CNOT6: variants seen among roughly 807,000 people sequenced by gnomAD.
CNOT6 encodes the protein carbon catabolite repression 4 protein.
In CNOT6, 12 loss-of-function variants were observed where a neutral mutation model predicts 61.2. The observed-to-expected ratio is 0.20, with a 90% CI of 0.13 to 0.32. The LOEUF is 0.32. Among genes scored for constraint, CNOT6 ranks in the 10% least tolerant of loss-of-function variants. The probability of loss-of-function intolerance (pLI) is 1.00; values close to 1 mark genes in which losing one functional copy is unlikely to be tolerated. For missense variants in CNOT6, 405 were observed against 663.9 expected (o/e 0.61, Z 4.28); for synonymous variants, 225 against 240.6 (o/e 0.94, Z 0.60).
At chr5:180,564,333 TATATC>T (rs1438465063) in intron 4 of CNOT6, among the ~76,000 whole-genome samples, 151 bp from the exon 5 acceptor site, 2 of 152,224 alleles carry the variant, frequency 1.3e-5, no homozygotes, top group Non-Finnish European at 2.9e-5. Context: ...CATTTTTACT[TATATC>T]AGAAACTGAA....
intron 2 of CNOT6, among the ~76,000 whole-genome samples, chr5:180,535,243 C>G (rs1017880890): frequency 6.6e-6 from 1 of 152,256 alleles, no homozygotes; most frequent in Non-Finnish European, 1.5e-5. Context: ...GTGGCAAAGT[C>G]TGGCCTTTTA....
chr5:180,541,770 T>C (rs1759059743), intron 2 of CNOT6, among the ~76,000 whole-genome samples: 1 of 151,252 alleles, frequency 6.6e-6, no homozygotes, highest in Non-Finnish European at 1.5e-5. Flanking sequence ...TTTTTTTTTT[T>C]TTGGTATTTT....
At chr5:180,504,496 C>A (rs983264464) in intron 1 of CNOT6, among the ~76,000 whole-genome samples, 1 of 138,702 alleles carries the variant, frequency 7.2e-6, no homozygotes, top group South Asian at 2.3e-4. Context: ...TGGTTCATTC[C>A]AAGAGCGGGG....
In CNOT6 at chr5:180,516,648, A is replaced by G. The variant is rs531464772; in HGVS notation, c.-2-12627A>G. On this transcript the variant is annotated intron_variant, in intron 1 of 11. Coordinates refer to ENST00000261951, the MANE Select transcript of CNOT6 (RefSeq NM_001370472.1). Reference sequence around the variant, plus strand: ...TACCTGGTCAGAGTAACATCACGCAAATCACTAATGTAAACATGAACTAGG... The same window carrying G: ...TACCTGGTCAGAGTAACATCACGCAGATCACTAATGTAAACATGAACTAGG... Among the ~76,000 whole-genome samples, 6 of 152,324 alleles carry G rather than the reference A, an allele frequency of 3.9e-5. No individual in the cohort carries two copies. The South Asian group carries it at 1.2e-3, about 32-fold the overall frequency.
Position 180,509,070 on chromosome 5 carries a change from T to C in CNOT6, c.-3+14307T>C, listed in dbSNP as rs561207177. Among the ~76,000 whole-genome samples, 3 of 152,264 alleles carry C rather than the reference T, an allele frequency of 2.0e-5. No homozygotes were observed. The East Asian group carries it at 5.8e-4, about 29-fold the overall frequency. The stretch of plus-strand genomic sequence containing the variant: ...CTCCTGACCTCGTGATCCACCTGCA[T>C]TGGCCTCCCAAAGTACTGTGATTAC... On this transcript the variant is annotated intron_variant, in intron 1 of 11. Coordinates refer to ENST00000261951, the MANE Select transcript of CNOT6 (RefSeq NM_001370472.1).
intron 1 of CNOT6, among the ~76,000 whole-genome samples, chr5:180,518,657 T>C (rs909681537): frequency 6.6e-6 from 1 of 152,114 alleles, no homozygotes; most frequent in Non-Finnish European, 1.5e-5. Context: ...CCACCACACC[T>C]GGGTGATTTC....
rs1759976162 is a variant in CNOT6 at position 180,557,871 on chromosome 5, G to C, written c.385+4400G>C. Among the ~76,000 whole-genome samples the C allele has an allele frequency of 2.0e-5, 3 of 152,050 alleles. No homozygotes were observed. In the South Asian group the frequency reaches 6.2e-4, roughly 32 times the overall value. Reference sequence around the variant, plus strand: ...CTATGATCCATTTTGACTTACGATTGAGTTAAAAGATGTGAGGATTAGCTC... The same window carrying C: ...CTATGATCCATTTTGACTTACGATTCAGTTAAAAGATGTGAGGATTAGCTC... On this transcript the variant is annotated intron_variant, in intron 4 of 11. Transcript: ENST00000261951.
At chr5:180,531,302 A>T (rs1046941311) in intron 2 of CNOT6, among the ~76,000 whole-genome samples, 7 of 150,954 alleles carry the variant, frequency 4.6e-5, no homozygotes, top group Non-Finnish European at 8.8e-5. Flanking sequence ...CTCACCTCCC[A>T]GACGGGGTAG....
intron 1 of CNOT6, among the ~76,000 whole-genome samples, chr5:180,510,010 G>T (rs943334001): frequency 6.6e-6 from 1 of 151,512 alleles, no homozygotes; most frequent in Non-Finnish European, 1.5e-5. Flanking sequence ...TTAGTCAAGA[G>T]TAGTTATCTT....
At chr5:180,505,874 A>C (rs1271952468) in intron 1 of CNOT6, among the ~76,000 whole-genome samples, 2 of 152,192 alleles carry the variant, frequency 1.3e-5, no homozygotes, top group African/African-American at 4.8e-5. Context: ...TTAAGACTGC[A>C]AAAGGGTCCC....
intron 4 of CNOT6, among the ~76,000 whole-genome samples, chr5:180,562,672 G>A (rs566099763): frequency 1.2e-4 from 19 of 152,172 alleles, no homozygotes; most frequent in African/African-American, 3.6e-4. Context: ...CCCGGGAGGC[G>A]GAGCTTGCGG....
In CNOT6 at chr5:180,521,044, C is replaced by T. The variant is rs576457092; in HGVS notation, c.-2-8231C>T. On this transcript the variant is annotated intron_variant, in intron 1 of 11. Coordinates refer to ENST00000261951, the MANE Select transcript of CNOT6 (RefSeq NM_001370472.1). ...ATTTTTGGTAGAGACAGGGTTTCAT[C>T]GTGTTGCTGGTCACGAACTCCCGAG... Among the ~76,000 whole-genome samples, 40 of 152,024 alleles carry T rather than the reference C, an allele frequency of 2.6e-4. No homozygotes were observed. In the South Asian group the frequency reaches 3.3e-3, roughly 13 times the overall value.
At chr5:180,495,973 A>G (rs908956073) in intron 1 of CNOT6, among the ~76,000 whole-genome samples, 8 of 152,186 alleles carry the variant, frequency 5.3e-5, no homozygotes, top group Non-Finnish European at 8.8e-5. Context: ...GTGCAGTGGC[A>G]CAGTTCTCGG....
rs2126911 is a variant in CNOT6 at position 180,531,768 on chromosome 5, G to T, written c.112+2380G>T. On this transcript the variant is annotated intron_variant, in intron 2 of 11. Transcript: ENST00000261951. ...GAGGCCGAGGCAGGCAGATCACTCG[G>T]GGTCAGGAGCTGGAGACCAGCCCGG... is the stretch of plus-strand genomic sequence containing the variant. Among the ~76,000 whole-genome samples, 863 of 152,318 alleles carry T rather than the reference G, an allele frequency of 5.7e-3. 8 individuals carry two copies. Among genetic ancestry groups the T allele is most frequent in the African/African-American group, 0.02 (833 of 41,594 alleles).
chr5:180,568,573 T>A (rs936433254), intron 9 of CNOT6, among the ~76,000 whole-genome samples: 5 of 151,072 alleles, frequency 3.3e-5, no homozygotes, highest in African/African-American at 4.8e-5. Flanking sequence ...TAAATAAATA[T>A]AAATAAATAA....
intron 1 of CNOT6, among the ~76,000 whole-genome samples, chr5:180,512,063 T>A (rs1757423476): frequency 6.6e-6 from 1 of 152,258 alleles, no homozygotes; most frequent in Non-Finnish European, 1.5e-5. Context: ...TGAACTGCAA[T>A]AAAGACAGGA....
At chr5:180,519,766 C>CTTT (rs58209260) in intron 1 of CNOT6, among the ~76,000 whole-genome samples, 1 of 138,870 alleles carries the variant, frequency 7.2e-6, no homozygotes, top group Non-Finnish European at 1.5e-5. Flanking sequence ...TTAATCGATT[C>CTTT]TTTTTTTTTT....
chr5:180,564,436 T>C (rs1760349248), intron 4 of CNOT6, 53 bp from the exon 5 acceptor site: 1 of 1,235,358 alleles, frequency 8.1e-7, no homozygotes, highest in African/African-American at 1.5e-5. Context: ...TTTTAAAATT[T>C]TGAAACATTT....
chr5:180,533,664 G>A (rs1758517924), intron 2 of CNOT6, among the ~76,000 whole-genome samples: 1 of 152,040 alleles, frequency 6.6e-6, no homozygotes, highest in Admixed American at 6.6e-5. Context: ...GTCCTCCCGC[G>A]TTAGCCTCCC....
Sources: allele counts gnomAD v4.1 joint callset (sites outside exome capture counted in the v4.1 genomes callset), GRCh38; gene constraint gnomAD v4.1.1; transcripts MANE v1.5; gene names NCBI Gene and HGNC (gene_info 2026-07-23, HGNC 2026-07-21).